The following VPS8 variants were observed in gnomAD, a reference collection of about 807,000 sequenced individuals.
VPS8 encodes the protein vacuolar protein sorting-associated protein 8 homolog.
A neutral mutation model predicts 216.4 loss-of-function variants in VPS8; 129 were observed. The ratio of observed to expected loss-of-function variants is 0.60; its 90% CI spans 0.52 to 0.69. VPS8 has a LOEUF of 0.69. VPS8 is among the 30% of genes least tolerant of loss of function. The pLI, the probability that VPS8 is intolerant of heterozygous loss-of-function variation, is 0.00. For synonymous variants in VPS8, 571 were observed against 565.4 expected, an observed-to-expected ratio of 1.01 and a Z score of -0.14; for missense variants, 1,531 against 1,683.5, an observed-to-expected ratio of 0.91 and a Z score of 1.59.
chr3:184,925,355 T>A (rs193291906), intron 30 of VPS8, among the ~76,000 whole-genome samples: 20 of 152,342 alleles, frequency 1.3e-4, no homozygotes, highest in African/African-American at 4.8e-4. Flanking sequence ...TTTCAAGGTT[T>A]CTTGTAATCC....
At chr3:184,857,248 T>C (rs1031366605) in intron 14 of VPS8, among the ~76,000 whole-genome samples, 3 of 152,378 alleles carry the variant, frequency 2.0e-5, no homozygotes, top group African/African-American at 4.8e-5. Context: ...GTTGGCACAC[T>C]ATGGCCCATG....
In VPS8 at chr3:184,981,983, A is replaced by G. The variant is rs372404943; in HGVS notation, c.3421-583A>G. On this transcript the variant is annotated intron_variant, in intron 40 of 47. Coordinates refer to ENST00000625842, the MANE Select transcript of VPS8 (RefSeq NM_001009921.3). ...ATAGTTTTTTTTTTAATCTCTTGACATGGTTGATCATGTTAACTGATACAG... is the reference window on the plus strand; with the variant it reads ...ATAGTTTTTTTTTTAATCTCTTGACGTGGTTGATCATGTTAACTGATACAG... 3.8e-3 allele frequency among the ~76,000 whole-genome samples: 573 copies of G among 152,014 alleles called. 3 individuals are homozygous for G. Among genetic ancestry groups the G allele is most frequent in the African/African-American group, 0.013 (550 of 41,460 alleles).
rs369938817 is a variant in VPS8 at position 184,839,713 on chromosome 3, A to C, written c.496A>C (p.Ile166Leu). 35 of 1,606,676 alleles carry C rather than the reference A, an allele frequency of 2.2e-5. No homozygotes were observed. The highest frequency in any genetic ancestry group is 2.8e-5 in the Non-Finnish European group (33 of 1,176,134). The change falls in exon 7 of 48, where the codon ATA (isoleucine) becomes CTA (leucine). Residue 166 changes from isoleucine to leucine, a missense_variant. By Grantham distance (5) the Ile-to-Leu change is conservative. Coordinates refer to ENST00000625842, the MANE Select transcript of VPS8 (RefSeq NM_001009921.3). ...LPTAIAVSSLIAVGTSHGLAL... is the reference protein window; with the variant it reads ...LPTAIAVSSLLAVGTSHGLAL... ...TTGTTTTCAGGCAGTATCCAGTCTG[A>C]TAGCAGTGGGTACATCTCATGGATT... is the stretch of plus-strand genomic sequence containing the variant.
intron 31 of VPS8, among the ~76,000 whole-genome samples, chr3:184,927,648 T>C (rs989374230): frequency 6.6e-6 from 1 of 152,204 alleles, no homozygotes; most frequent in African/African-American, 2.4e-5. Context: ...GGTATTCACA[T>C]TGTACAATCC....
At chr3:184,944,056 C>G (rs542691850) in intron 36 of VPS8, among the ~76,000 whole-genome samples, 2 of 149,054 alleles carry the variant, frequency 1.3e-5, no homozygotes, top group African/African-American at 5.2e-5. Context: ...CACACACACA[C>G]ACACACAAAC....
At chr3:185,048,405 A>G in intron 46 of VPS8, 74 bp from the exon 47 acceptor site, 1 of 1,410,016 alleles carries the variant, frequency 7.1e-7, no homozygotes, top group Non-Finnish European at 1.0e-6. Context: ...GTTATGCTTC[A>G]GCATCGTGTA....
chr3:184,980,914 G>A (rs984239971), intron 40 of VPS8, among the ~76,000 whole-genome samples: 2 of 152,174 alleles, frequency 1.3e-5, no homozygotes, highest in Non-Finnish European at 2.9e-5. Context: ...AGTTTCCAGA[G>A]TTCTTTCTCA....
In VPS8 at chr3:184,998,876, C is replaced by T. The variant is rs1753005007; in HGVS notation, c.3837-820C>T. Among the ~76,000 whole-genome samples, 3 of 151,992 alleles carry T rather than the reference C, an allele frequency of 2.0e-5. No homozygotes were observed. The South Asian group carries it at 6.2e-4, about 32-fold the overall frequency. ...GCTACTTAAATAATTATGATTTTTTCCAGTTGCTTTTTTTTTTCTTTTTGA... is the reference window on the plus strand; with the variant it reads ...GCTACTTAAATAATTATGATTTTTTTCAGTTGCTTTTTTTTTTCTTTTTGA... On this transcript the variant is annotated intron_variant, in intron 44 of 47. Coordinates refer to ENST00000625842, the MANE Select transcript of VPS8 (RefSeq NM_001009921.3).
intron 17 of VPS8, among the ~76,000 whole-genome samples, chr3:184,867,193 G>T (rs1328200830): frequency 6.6e-6 from 1 of 152,152 alleles, no homozygotes; most frequent in Non-Finnish European, 1.5e-5. Flanking sequence ...ATTCAGAGAT[G>T]TGCTTTTGTA....
At chr3:184,919,641 CATA>C (rs1399761139) in intron 28 of VPS8, among the ~76,000 whole-genome samples, 13 of 151,808 alleles carry the variant, frequency 8.6e-5, no homozygotes, top group Non-Finnish European at 1.5e-5. Context: ...TTTTTTTTAC[CATA>C]ATAATTTTTA....
At chr3:184,939,635 A>T (rs1742296621) in intron 35 of VPS8, among the ~76,000 whole-genome samples, 1 of 152,080 alleles carries the variant, frequency 6.6e-6, no homozygotes, top group African/African-American at 2.4e-5. Context: ...TAAGTGAGTA[A>T]ATGGCAAAAA....
chr3:184,988,784 A>G (rs1751481639), intron 42 of VPS8, among the ~76,000 whole-genome samples: 1 of 152,244 alleles, frequency 6.6e-6, no homozygotes, highest in South Asian at 2.1e-4. Flanking sequence ...GTTCATGAAC[A>G]TGAAATATTT....
At chr3:185,033,720 C>CATT (rs1289357999) in intron 46 of VPS8, among the ~76,000 whole-genome samples, 2 of 152,176 alleles carry the variant, frequency 1.3e-5, no homozygotes, top group Non-Finnish European at 2.9e-5. Flanking sequence ...GTGGCTGTGC[C>CATT]ATTTTACATT....
At chr3:184,875,971 C>G (rs1002923868) in intron 21 of VPS8, among the ~76,000 whole-genome samples, 5 of 151,000 alleles carry the variant, frequency 3.3e-5, no homozygotes, top group African/African-American at 9.8e-5. Flanking sequence ...ACCTGGGTGA[C>G]AGAGCAAGAC....
At chr3:184,882,376 T>C (rs1730428366) in intron 21 of VPS8, 1 of 455,516 alleles carries the variant, frequency 2.2e-6, no homozygotes, top group African/African-American at 2.0e-5. Context: ...TCGTAATGAT[T>C]GGTTTTTGAA....
intron 8 of VPS8, among the ~76,000 whole-genome samples, chr3:184,845,156 T>C (rs1722888464): frequency 6.6e-6 from 1 of 152,226 alleles, no homozygotes. Flanking sequence ...ATAGAATTTT[T>C]CCTTTTAAAT....
intron 25 of VPS8, 145 bp from the exon 26 acceptor site, chr3:184,913,374 A>T (rs1736918276): frequency 1.6e-6 from 1 of 629,286 alleles, no homozygotes; most frequent in Non-Finnish European, 2.8e-6. Context: ...AAAAGCCAAT[A>T]AAGTGGTCTT....
At chr3:185,027,485 G>A (rs534957687) in intron 46 of VPS8, among the ~76,000 whole-genome samples, 18 of 150,962 alleles carry the variant, frequency 1.2e-4, no homozygotes, top group South Asian at 2.1e-4. Context: ...CTCGTGATCC[G>A]CCTGTCTCAG....
chr3:185,031,625 T>A (rs1282100136), intron 46 of VPS8, among the ~76,000 whole-genome samples: 4 of 152,184 alleles, frequency 2.6e-5, no homozygotes, highest in Non-Finnish European at 5.9e-5. Context: ...GCATCCTTAA[T>A]TGTTGAGAGG....
Sources: gnomAD v4.1 joint callset for allele counts (sites outside exome capture counted in the v4.1 genomes callset) on GRCh38, gnomAD v4.1.1 for gene constraint, MANE v1.5 for transcripts, NCBI Gene and HGNC (gene_info 2026-07-23, HGNC 2026-07-21) for gene names.